CIT: variants seen among roughly 807,000 people sequenced by gnomAD.
The protein encoded by CIT is citron Rho-interacting kinase.
Under a neutral mutation model 272.7 loss-of-function variants are expected in CIT, and 79 were observed. That is an observed-to-expected ratio of 0.29 (90% CI 0.24 to 0.35). CIT has a LOEUF of 0.35. Ranked by LOEUF, CIT falls within the 10% of genes least tolerant of loss-of-function variation. The pLI, the probability that CIT is intolerant of heterozygous loss-of-function variation, is 1.00. For synonymous variants in CIT, 948 were observed against 995.6 expected (o/e 0.95, Z 0.90); for missense variants, 1,909 against 2,618.3 (o/e 0.73, Z 5.91).
intron 5 of CIT, among the ~76,000 whole-genome samples, chr12:119,835,762 A>G (rs1387770738): frequency 1.3e-5 from 2 of 152,106 alleles, no homozygotes; most frequent in African/African-American, 2.4e-5. Context: ...CAGAGCCCCA[A>G]AGGCCTCAGG....
At chr12:119,702,030 T>C (rs992210339) in intron 41 of CIT, 72 bp from the exon 42 acceptor site, 17 of 1,126,192 alleles carry the variant, frequency 1.5e-5, no homozygotes, top group Non-Finnish European at 2.3e-5. Flanking sequence ...GCTGTTCTGC[T>C]TCTGCCTACA....
chr12:119,749,778 A>T (rs1371553735), intron 23 of CIT, among the ~76,000 whole-genome samples: 1 of 152,136 alleles, frequency 6.6e-6, no homozygotes, highest in African/African-American at 2.4e-5. Flanking sequence ...AACTAAATTA[A>T]GTCGTGACTT....
intron 10 of CIT, among the ~76,000 whole-genome samples, chr12:119,800,728 C>T (rs1478296583): frequency 6.6e-6 from 1 of 152,230 alleles, no homozygotes; most frequent in African/African-American, 2.4e-5. Context: ...GGAAGAAACA[C>T]AGGGTCGCTG....
chr12:119,870,395 C>G lies in CIT; in HGVS notation c.97-1194G>C, dbSNP rs142896203. 4.4e-3 allele frequency among the ~76,000 whole-genome samples: 662 copies of G among 151,740 alleles called. 7 individuals carry two copies. The highest frequency in any genetic ancestry group is 0.015 in the African/African-American group (637 of 41,374). On this transcript the variant is annotated intron_variant, in intron 2 of 47. Transcript: ENST00000392521. Reference sequence around the variant, plus strand: ...GTGAAACCCTGTCTCTACCAAAATACAAAAATTAGCCAGGCGTGGTGGTAG... The same window carrying G: ...GTGAAACCCTGTCTCTACCAAAATAGAAAAATTAGCCAGGCGTGGTGGTAG...
chr12:119,688,190 TC>T lies in CIT; in HGVS notation c.*41del. On this transcript the variant is annotated 3_prime_UTR_variant, in exon 48 of 48. Transcript: ENST00000392521. ...GAGTTCCATAGTGTGTTTGGTGTTTTCCTGCAGATCAAGATGAGGAGTTGGT... is the reference window on the plus strand; with the variant it reads ...GAGTTCCATAGTGTGTTTGGTGTTTTCTGCAGATCAAGATGAGGAGTTGGT... 6.2e-7 allele frequency: 1 copy of T among 1,600,518 alleles called. No individual in the cohort carries two copies. Among genetic ancestry groups the T allele is most frequent in the South Asian group, 1.1e-5 (1 of 90,804 alleles).
At position 119,700,866 on chromosome 12, in the gene CIT, G is replaced by A. The variant is rs779904756; in HGVS notation, c.5543-41C>T. 1.8e-5 allele frequency: 27 copies of A among 1,515,846 alleles called. No individual in the cohort carries two copies. The Admixed American group carries it at 2.0e-4, about 11-fold the overall frequency. The allele number at this position is 1,515,846 out of a possible 1,614,324, so 93.9% of individuals were successfully genotyped here. On this transcript the variant is annotated intron_variant, in intron 43 of 47. Coordinates refer to ENST00000392521, the MANE Select transcript of CIT (RefSeq NM_001206999.2). ...AGCACGTGGGCATTAGCACAGCCAA[G>A]AGCAGGGGCATCAGCGACACACATG...
At chr12:119,692,091 T>A (rs1446911980) in intron 46 of CIT, among the ~76,000 whole-genome samples, 1 of 152,200 alleles carries the variant, frequency 6.6e-6, no homozygotes. Flanking sequence ...GCTGCTAACA[T>A]GCTCTGACAC....
At chr12:119,792,094 C>T (rs1378504707) in intron 10 of CIT, among the ~76,000 whole-genome samples, 1 of 152,162 alleles carries the variant, frequency 6.6e-6, no homozygotes, top group Non-Finnish European at 1.5e-5. Flanking sequence ...GTACTCCTTC[C>T]TACAAGCAAG....
intron 3 of CIT, among the ~76,000 whole-genome samples, chr12:119,864,953 A>G (rs928726859): frequency 2.0e-5 from 3 of 152,138 alleles, no homozygotes; most frequent in African/African-American, 4.8e-5. Flanking sequence ...ACAGTCCCCA[A>G]AGAAAATCTC....
chr12:119,835,359 C>T (rs1968920632), intron 5 of CIT, among the ~76,000 whole-genome samples: 1 of 152,148 alleles, frequency 6.6e-6, no homozygotes, highest in Non-Finnish European at 1.5e-5. Flanking sequence ...TGGCACAGTG[C>T]CTGGCACCAA....
Position 119,770,637 on chromosome 12 carries a change from G to C in CIT, c.2208+148C>G, listed in dbSNP as rs943532358. ...TATTTGGTTATTCATACTACTCTACGATGTGGCATATGCTGAAACCACCTC... is the reference window on the plus strand; with the variant it reads ...TATTTGGTTATTCATACTACTCTACCATGTGGCATATGCTGAAACCACCTC... On this transcript the variant is annotated intron_variant, in intron 18 of 47. Transcript: ENST00000392521. This position sits in a 1 kb window ranked among gnomAD's most constrained non-coding sequence, Gnocchi z 4.4. 1.2e-6 allele frequency: 1 copy of C among 801,290 alleles called. No homozygotes were observed. Among genetic ancestry groups the C allele is most frequent in the Non-Finnish European group, 2.0e-6 (1 of 496,606 alleles). The allele number at this position is 801,290 out of a possible 1,614,324, so 49.6% of individuals were successfully genotyped here.
chr12:119,762,744 C>T (rs1022687868), intron 19 of CIT, among the ~76,000 whole-genome samples: 1 of 152,100 alleles, frequency 6.6e-6, no homozygotes, highest in African/African-American at 2.4e-5. Context: ...CTATCAAGAA[C>T]GTATGCACTA....
intron 9 of CIT, among the ~76,000 whole-genome samples, chr12:119,807,281 A>C (rs572581393): frequency 1.3e-5 from 2 of 152,356 alleles, no homozygotes; most frequent in East Asian, 3.9e-4. Flanking sequence ...TATACATCTA[A>C]TGGGGCACAG....
At chr12:119,704,525 A>G in intron 40 of CIT, 70 bp from the exon 41 acceptor site, 1 of 1,359,046 alleles carries the variant, frequency 7.4e-7, no homozygotes, top group Non-Finnish European at 1.0e-6. Flanking sequence ...AAACTAGGAA[A>G]AGCTCTCAGG....
At chr12:119,691,725 C>A (rs1435300391) in intron 46 of CIT, among the ~76,000 whole-genome samples, 1 of 152,182 alleles carries the variant, frequency 6.6e-6, no homozygotes, top group Non-Finnish European at 1.5e-5. Context: ...GACCCAGGGG[C>A]CAAACTCCCT....
At chr12:119,769,993 G>C (rs1292612807) in intron 18 of CIT, among the ~76,000 whole-genome samples, 1 of 150,104 alleles carries the variant, frequency 6.7e-6, no homozygotes, top group African/African-American at 2.5e-5. Context: ...AATGACTTCA[G>C]AGACTCTCTC....
chr12:119,871,118 T>TAAA (rs34650406), intron 2 of CIT, among the ~76,000 whole-genome samples: 28 of 142,820 alleles, frequency 2.0e-4, no homozygotes, highest in Middle Eastern at 3.5e-3. Context: ...CAGTCTGTCT[T>TAAA]AAAAAAAAAA....
intron 23 of CIT, among the ~76,000 whole-genome samples, chr12:119,747,259 A>C (rs916888676): frequency 6.6e-6 from 1 of 151,972 alleles, no homozygotes. Flanking sequence ...CTTCTCTACT[A>C]AAAATTTAAA....
At chr12:119,872,124 G>T (rs1594019433) in intron 2 of CIT, among the ~76,000 whole-genome samples, 1 of 152,052 alleles carries the variant, frequency 6.6e-6, no homozygotes. Context: ...TTTAAAAATG[G>T]TCCTTTATTC....
Sources: allele counts gnomAD v4.1 joint callset (sites outside exome capture counted in the v4.1 genomes callset), GRCh38; gene constraint gnomAD v4.1.1; non-coding constraint Gnocchi (gnomAD v3.1); transcripts MANE v1.5; gene names NCBI Gene and HGNC (gene_info 2026-07-23, HGNC 2026-07-21).